EIF2S1: variants seen among roughly 807,000 people sequenced by gnomAD.
EIF2S1 encodes eukaryotic translation initiation factor 2 subunit alpha.
In EIF2S1, 5 loss-of-function variants were observed where a neutral mutation model predicts 33.5. That is an observed-to-expected ratio of 0.15 (90% confidence interval 0.08 to 0.31). EIF2S1 has a LOEUF of 0.31. Ranked by LOEUF, EIF2S1 falls within the 10% of genes least tolerant of loss-of-function variation. The pLI is 1.00. For missense variants in EIF2S1, 191 were observed against 384.6 expected (o/e 0.50, Z 4.21); for synonymous variants, 99 against 127.5 (o/e 0.78, Z 1.51).
rs1328417147 is a variant in EIF2S1, at chr14:67,384,818, T to TG, written c.*1381dup. 6.6e-6 allele frequency: 1 copy of TG among 152,162 alleles called. No homozygotes were observed. The highest frequency in any genetic ancestry group is 1.5e-5 in the Non-Finnish European group (1 of 68,022). 9.4% of individuals were successfully genotyped at this position (152,162 alleles called of 1,614,324 possible). On this transcript the variant is annotated 3_prime_UTR_variant, in exon 8 of 8. Coordinates refer to ENST00000256383, the MANE Select transcript of EIF2S1 (RefSeq NM_004094.5). ...ATGATTGCTAGCCAGCATTCCATAT[T>TG]GGGAATATGTAGAGGAGAACCTGGA...
chr14:67,365,373 T>C (rs998332228), intron 2 of EIF2S1, among the ~76,000 whole-genome samples: 3 of 152,242 alleles, frequency 2.0e-5, no homozygotes, highest in African/African-American at 4.8e-5. Flanking sequence ...GATTTAAAGC[T>C]AAAATAGTAA....
intron 3 of EIF2S1, 120 bp downstream of exon 3, chr14:67,374,667 A>G: frequency 4.9e-6 from 3 of 609,478 alleles, no homozygotes; most frequent in Non-Finnish European, 5.1e-6. Context: ...TTCTCAAATT[A>G]GTACTAGAAG....
intron 6 of EIF2S1, among the ~76,000 whole-genome samples, chr14:67,382,130 C>T (rs545238870): frequency 6.6e-6 from 1 of 152,008 alleles, no homozygotes; most frequent in South Asian, 2.1e-4. Flanking sequence ...GACAAATTAT[C>T]CATTATACTG....
At chr14:67,367,089 T>A (rs966867134) in intron 2 of EIF2S1, among the ~76,000 whole-genome samples, 2 of 152,146 alleles carry the variant, frequency 1.3e-5, no homozygotes, top group Non-Finnish European at 2.9e-5. Context: ...CTCTGGTTTG[T>A]CCCTGAACTA....
chr14:67,374,324 C>A, intron 2 of EIF2S1, 144 bp from the exon 3 acceptor site: 1 of 464,762 alleles, frequency 2.2e-6, no homozygotes. Context: ...CCTTGTAATA[C>A]TTATGCAGTA....
chr14:67,360,548 T>G, intron 1 of EIF2S1, 92 bp downstream of exon 1: 1 of 224,640 alleles, frequency 4.5e-6, no homozygotes, highest in Non-Finnish European at 8.6e-6. Flanking sequence ...CCCGGGCTAA[T>G]ACCTCCCTTT....
At chr14:67,382,910 T>TGCGTGC (rs551897541) in intron 7 of EIF2S1, among the ~76,000 whole-genome samples, 5 of 147,246 alleles carry the variant, frequency 3.4e-5, no homozygotes, top group African/African-American at 9.8e-5. Context: ...CGTGCGTGCG[T>TGCGTGC]GTGTGTGTGT....
chr14:67,379,397 G>A (rs2085874114), intron 4 of EIF2S1, among the ~76,000 whole-genome samples: 1 of 152,156 alleles, frequency 6.6e-6, no homozygotes, highest in Non-Finnish European at 1.5e-5. Flanking sequence ...GAGGTCAACA[G>A]TTTTTCATGT....
intron 4 of EIF2S1, among the ~76,000 whole-genome samples, chr14:67,377,489 A>G (rs983437825): frequency 3.3e-5 from 5 of 152,192 alleles, no homozygotes; most frequent in African/African-American, 1.2e-4. Context: ...TTTATTTTAT[A>G]AAGAAAATAG....
At chr14:67,367,987 G>T (rs2085791710) in intron 2 of EIF2S1, among the ~76,000 whole-genome samples, 1 of 152,196 alleles carries the variant, frequency 6.6e-6, no homozygotes, top group Non-Finnish European at 1.5e-5. Flanking sequence ...ATTTGTGCCT[G>T]TGGGATTGTA....
chr14:67,375,680 T>C (rs568865219), intron 3 of EIF2S1, among the ~76,000 whole-genome samples: 1 of 152,328 alleles, frequency 6.6e-6, no homozygotes, highest in East Asian at 1.9e-4. Context: ...GGTTTACACA[T>C]TTGAAAACAC....
At chr14:67,380,813 AAAG>A (rs754012931) in intron 5 of EIF2S1, 48 bp downstream of exon 5, 1 of 1,018,826 alleles carries the variant, frequency 9.8e-7, no homozygotes, top group South Asian at 2.1e-5. Flanking sequence ...ATGCATCAAA[AAAG>A]CTATTAAATA....
chr14:67,374,129 A>G (rs182860631), intron 2 of EIF2S1, among the ~76,000 whole-genome samples: 2 of 152,288 alleles, frequency 1.3e-5, no homozygotes, highest in Admixed American at 6.5e-5. Flanking sequence ...CCCAAATCCA[A>G]AATGCTCCAA....
In EIF2S1 at chr14:67,364,935, C is replaced by T; in HGVS notation, c.168C>T (p.Ile56=). Reference sequence around the variant, plus strand: ...TTAGTGAATTATCCAGAAGGCGTATCCGTTCTATCAACAAACTCATCCGAA... The same window carrying T: ...TTAGTGAATTATCCAGAAGGCGTATTCGTTCTATCAACAAACTCATCCGAA... The part of the protein sequence containing the change: ...ILLSELSRRR[I]RSINKLIRIG... Residue 56 remains isoleucine, a synonymous_variant, in exon 2 of 8, where the codon ATC becomes ATT. Coordinates refer to ENST00000256383, the MANE Select transcript of EIF2S1 (RefSeq NM_004094.5). The T allele has an allele frequency of 6.2e-7, 1 of 1,613,964 alleles. No homozygotes were observed.
intron 2 of EIF2S1, among the ~76,000 whole-genome samples, chr14:67,371,648 C>T (rs1037325610): frequency 6.6e-6 from 1 of 151,964 alleles, no homozygotes; most frequent in Non-Finnish European, 1.5e-5. Context: ...AGTTGTAACA[C>T]AATGGTAAAT....
chr14:67,381,236 T>C (rs1353652830), intron 5 of EIF2S1, among the ~76,000 whole-genome samples: 1 of 152,306 alleles, frequency 6.6e-6, no homozygotes, highest in East Asian at 1.9e-4. Flanking sequence ...GATGAACATT[T>C]AGGTTGTGCC....
intron 4 of EIF2S1, among the ~76,000 whole-genome samples, chr14:67,380,096 C>G (rs994534979): frequency 6.6e-6 from 1 of 152,110 alleles, no homozygotes; most frequent in Non-Finnish European, 1.5e-5. Context: ...TCTACCTTTA[C>G]TTTTTACAGT....
intron 4 of EIF2S1, among the ~76,000 whole-genome samples, chr14:67,380,145 G>C (rs1240049473): frequency 6.6e-6 from 1 of 151,970 alleles, no homozygotes; most frequent in African/African-American, 2.4e-5. Context: ...ATTTTCATTT[G>C]CTCACTCATT....
At chr14:67,366,560 A>C (rs2141129872) in intron 2 of EIF2S1, among the ~76,000 whole-genome samples, 1 of 152,352 alleles carries the variant, frequency 6.6e-6, no homozygotes, top group South Asian at 2.1e-4. Flanking sequence ...TGGTTAAATA[A>C]ATCAGTACAA....
Sources: allele counts gnomAD v4.1 joint callset (sites outside exome capture counted in the v4.1 genomes callset), GRCh38; gene constraint gnomAD v4.1.1; transcripts MANE v1.5; gene names NCBI Gene and HGNC (gene_info 2026-07-23, HGNC 2026-07-21).